SIX5: variants seen among roughly 807,000 people sequenced by gnomAD.
SIX5 encodes the protein homeobox protein SIX5.
A neutral mutation model predicts 37.1 loss-of-function variants in SIX5; 21 were observed. The observed-to-expected ratio is 0.57, with a 90% confidence interval of 0.40 to 0.81. SIX5 has a LOEUF of 0.81. Ranked by LOEUF, SIX5 falls within the 40% of genes least tolerant of loss-of-function variation. The probability of loss-of-function intolerance (pLI) is 0.00; values close to 1 mark genes in which losing one functional copy is unlikely to be tolerated. For missense variants in SIX5, 1,137 were observed against 1,025.1 expected, an observed-to-expected ratio of 1.11 and a Z score of -1.49; for synonymous variants, 626 against 505.9, an observed-to-expected ratio of 1.24 and a Z score of -3.19.
At position 45,765,853 on chromosome 19, in the gene SIX5, G is replaced by A. The variant is rs1969060543; in HGVS notation, c.1868C>T (p.Pro623Leu). ...ALGTLSAQQP[P>L]PAAATTSSTS... Reference sequence around the variant, plus strand: ...GCTGGAGGTGGTGGCAGCGGCGGGGGGTGGCTGCTGTGCAGAAAGGGTGCC... The same window carrying A: ...GCTGGAGGTGGTGGCAGCGGCGGGGAGTGGCTGCTGTGCAGAAAGGGTGCC... The change falls in exon 3 of 3, where the codon CCC (proline) becomes CTC (leucine). Residue 623 changes from proline to leucine, a missense_variant. Transcript: ENST00000317578. The A allele has an allele frequency of 1.9e-6, 3 of 1,599,172 alleles. No individual in the cohort carries two copies. The highest frequency in any genetic ancestry group is 2.5e-6 in the Non-Finnish European group (3 of 1,178,532).
chr19:45,766,540 C>A lies in SIX5; in HGVS notation c.1419G>T (p.Leu473Phe), dbSNP rs779832835. ...AGGTGGGTACTACCTGGGGCAGGTTCAATAGTGGGGAGGTGGGGCTCAGGC... is the reference window on the plus strand; with the variant it reads ...AGGTGGGTACTACCTGGGGCAGGTTAAATAGTGGGGAGGTGGGGCTCAGGC... ...PTGLSPTSPL[L>F]NLPQVVPTSQ... Residue 473 changes from leucine (L) to phenylalanine (F), a missense_variant, in exon 2 of 3, where the codon TTG (leucine) becomes TTT (phenylalanine). By Grantham distance (22) the Leu-to-Phe change is conservative. Coordinates refer to ENST00000317578, the MANE Select transcript of SIX5 (RefSeq NM_175875.5). The A allele has an allele frequency of 8.7e-6, 13 of 1,488,014 alleles. No homozygotes were observed. Among genetic ancestry groups the A allele is most frequent in the Non-Finnish European group, 6.3e-6 (7 of 1,111,546 alleles). 92.2% of individuals were successfully genotyped at this position (1,488,014 alleles called of 1,614,324 possible).
intron 2 of SIX5, 45 bp from the exon 3 acceptor site, chr19:45,766,156 A>C: frequency 6.3e-7 from 1 of 1,589,462 alleles, no homozygotes; most frequent in East Asian, 2.3e-5. Context: ...CCAGGAGAGC[A>C]GGCCAAGCCA....
Position 45,769,074 on chromosome 19 carries a change from T to G in SIX5, c.-230A>C. ...CCGTCTGTCTGTGATTCTCCCTTTG[T>G]TTTCCCTCCGCCTCTGGCCGCGCTT... On this transcript the variant is annotated 5_prime_UTR_variant, in exon 1 of 3. Transcript: ENST00000317578. 1 of 476,016 alleles carries G rather than the reference T, an allele frequency of 2.1e-6. No homozygotes were observed. Among genetic ancestry groups the G allele is most frequent in the South Asian group, 3.2e-5 (1 of 31,672 alleles). 29.5% of individuals were successfully genotyped at this position (476,016 alleles called of 1,614,324 possible).
chr19:45,765,348 C>T lies in SIX5; in HGVS notation c.*153G>A, dbSNP rs916574317. ...GGACAGGAGGTGGCCGGGGATACAA[C>T]CCCCAGCACCACCAGGGCTTGGAGA... is the stretch of plus-strand genomic sequence containing the variant. On this transcript the variant is annotated 3_prime_UTR_variant, in exon 3 of 3. Coordinates refer to ENST00000317578, the MANE Select transcript of SIX5 (RefSeq NM_175875.5). The T allele has an allele frequency of 4.6e-6, 5 of 1,083,340 alleles. No individual in the cohort carries two copies. The highest frequency in any genetic ancestry group is 7.0e-6 in the Non-Finnish European group (5 of 714,956). 67.1% of individuals were successfully genotyped at this position (1,083,340 alleles called of 1,614,324 possible).
Position 45,766,809 on chromosome 19 carries a change from G to C in SIX5, c.1150C>G (p.Leu384Val). The C allele has an allele frequency of 6.4e-7, 1 of 1,563,710 alleles. No individual in the cohort carries two copies. The highest frequency in any genetic ancestry group is 8.6e-7 in the Non-Finnish European group (1 of 1,157,744). Reference protein sequence around the residue: ...PQGASETKTSLVLDPQTGEVR... With the variant: ...PQGASETKTSVVLDPQTGEVR... ...TCCCCTGTCTGAGGGTCCAGGACCAGAGAGGTCTTGGTCTCGCTGGCCCCC... is the reference window on the plus strand; with the variant it reads ...TCCCCTGTCTGAGGGTCCAGGACCACAGAGGTCTTGGTCTCGCTGGCCCCC... Residue 384 changes from leucine to valine, a missense_variant, in exon 2 of 3, where the codon CTG becomes GTG. Physicochemically the swap from Leu to Val is conservative, Grantham distance 32. Transcript: ENST00000317578.
Position 45,768,959 on chromosome 19 carries a change from C to A in SIX5, c.-115G>T. 14 of 1,043,130 alleles carry A rather than the reference C, an allele frequency of 1.3e-5. No homozygotes were observed. Among genetic ancestry groups the A allele is most frequent in the Non-Finnish European group, 1.9e-5 (14 of 733,500 alleles). 64.6% of individuals were successfully genotyped at this position (1,043,130 alleles called of 1,614,324 possible). A position where few individuals can be genotyped will look rare whatever the true frequency, so the allele number is the denominator to read the frequency against. ...CCCACTCCCCGCTCTTCTCGATCTTCTTTCTGGCCGACCCTGCGCCCCACG... is the reference window on the plus strand; with the variant it reads ...CCCACTCCCCGCTCTTCTCGATCTTATTTCTGGCCGACCCTGCGCCCCACG... On this transcript the variant is annotated 5_prime_UTR_variant, in exon 1 of 3. Transcript: ENST00000317578.
rs1600400963 is a variant in SIX5, at chr19:45,768,491, C to T, written c.354G>A (p.Glu118=). ...SRFLGALPPA[E]RLRGSDPVLR... ...ACACCGGGTCGCTGCCACGTAGGCGCTCGGCCGGGGGCAGTGCGCCCAGGA... is the reference window on the plus strand; with the variant it reads ...ACACCGGGTCGCTGCCACGTAGGCGTTCGGCCGGGGGCAGTGCGCCCAGGA... The change falls in exon 1 of 3, where the codon GAG becomes GAA. Residue 118 remains glutamate, a synonymous_variant. Transcript: ENST00000317578. The T allele has an allele frequency of 2.6e-6, 4 of 1,521,568 alleles. No individual in the cohort carries two copies. The highest frequency in any genetic ancestry group is 1.2e-5 in the South Asian group (1 of 82,768). 94.3% of individuals were successfully genotyped at this position (1,521,568 alleles called of 1,614,324 possible).
chr19:45,765,599 C>A lies in SIX5; in HGVS notation c.2122G>T (p.Ala708Ser). The A allele has an allele frequency of 6.2e-7, 1 of 1,613,302 alleles. No homozygotes were observed. ...TCGTCAACCTCACCCCCTGCGGTGG[C>A]CCCCAGGAGCAGCCCCTCAGGGTCG... ...DPDPEGLLLG[A>S]TAGGEVDEGL... Residue 708 changes from alanine to serine, a missense_variant, in exon 3 of 3, where the codon GCC (alanine) becomes TCC (serine). Transcript: ENST00000317578.
At position 45,765,680 on chromosome 19, in the gene SIX5, C is replaced by T; in HGVS notation, c.2041G>A (p.Ala681Thr). The T allele has an allele frequency of 6.2e-7, 1 of 1,612,796 alleles. No individual in the cohort carries two copies. ...LSAGTEGLLEAEKGLGTQAPH... is the reference protein window; with the variant it reads ...LSAGTEGLLETEKGLGTQAPH... Reference sequence around the variant, plus strand: ...GCCTGTGTCCCCAGCCCCTTTTCCGCTTCCAGCAGCCCCTCTGTTCCTGCG... The same window carrying T: ...GCCTGTGTCCCCAGCCCCTTTTCCGTTTCCAGCAGCCCCTCTGTTCCTGCG... Residue 681 changes from alanine (A) to threonine (T), a missense_variant, in exon 3 of 3, where the codon GCG becomes ACG. By Grantham distance (58) the Ala-to-Thr change is moderately conservative. This residue lies in a region of SIX5 where 787 missense variants were observed against 621.4 expected (regional missense o/e 1.27). Coordinates refer to ENST00000317578, the MANE Select transcript of SIX5 (RefSeq NM_175875.5).
In SIX5 at chr19:45,767,059, G is replaced by A; in HGVS notation, c.900C>T (p.Ala300=). The change falls in exon 2 of 3, where the codon GCC becomes GCT. Residue 300 remains alanine (A), a synonymous_variant. Transcript: ENST00000317578. Reference sequence around the variant, plus strand: ...TCCCTGCCAGGAATATGGAGCCCTGGGCAGCGGCCTCGGCGGACACTGGGG... The same window carrying A: ...TCCCTGCCAGGAATATGGAGCCCTGAGCAGCGGCCTCGGCGGACACTGGGG... The part of the protein sequence containing the change: ...GAAPVSAEAA[A]QGSIFLAGTG... The A allele has an allele frequency of 6.2e-7, 1 of 1,609,154 alleles. No individual in the cohort carries two copies. The highest frequency in any genetic ancestry group is 8.5e-7 in the Non-Finnish European group (1 of 1,177,704).
At position 45,768,272 on chromosome 19, in the gene SIX5, C is replaced by T. The variant is rs1366290214; in HGVS notation, c.573G>A (p.Lys191=). The T allele has an allele frequency of 1.2e-6, 2 of 1,612,760 alleles. No individual in the cohort carries two copies. The highest frequency in any genetic ancestry group is 8.5e-7 in the Non-Finnish European group (1 of 1,179,630). The change falls in exon 1 of 3, where the codon AAG becomes AAA. Residue 191 remains lysine, a synonymous_variant. Transcript: ENST00000317578. ...GAVDKYRLRK[K]FPLPKTIWDG... ...CCCAGATGGTCTTGGGCAGCGGGAA[C>T]TTCTTGCGCAGTCGATACTTGTCCA...
At position 45,765,535 on chromosome 19, in the gene SIX5, T is replaced by C. The variant is rs1418901276; in HGVS notation, c.2186A>G (p.Gln729Arg). 2.5e-6 allele frequency: 4 copies of C among 1,613,344 alleles called. No homozygotes were observed. Among genetic ancestry groups the C allele is most frequent in the Non-Finnish European group, 3.4e-6 (4 of 1,180,026 alleles). Reference protein sequence around the residue: ...EAEAKVLTQLQSVPVEEPLEL With the variant: ...EAEAKVLTQLRSVPVEEPLEL ...CAAGGGCTCCTCCACAGGCACCGAC[T>C]GGAGCTGGGTCAGAACCTTGGCCTC... is the stretch of plus-strand genomic sequence containing the variant. Residue 729 changes from glutamine (Q) to arginine (R), a missense_variant, in exon 3 of 3, where the codon CAG becomes CGG. Physicochemically the swap from Gln to Arg is conservative, Grantham distance 43. Transcript: ENST00000317578.
chr19:45,767,032 G>T lies in SIX5; in HGVS notation c.927C>A (p.Thr309=). ...AAGCCGGGCAAGGCGCGGGAGGGCCGGTCCCTGCCAGGAATATGGAGCCCT... is the reference window on the plus strand; with the variant it reads ...AAGCCGGGCAAGGCGCGGGAGGGCCTGTCCCTGCCAGGAATATGGAGCCCT... The part of the protein sequence containing the change: ...AAQGSIFLAG[T]GPPAPCPASS... Residue 309 remains threonine, a synonymous_variant, in exon 2 of 3, where the codon ACC becomes ACA. Transcript: ENST00000317578. 1 of 1,609,352 alleles carries T rather than the reference G, an allele frequency of 6.2e-7. No homozygotes were observed. The highest frequency in any genetic ancestry group is 8.5e-7 in the Non-Finnish European group (1 of 1,178,992).
In SIX5 at chr19:45,766,638, G is replaced by T; in HGVS notation, c.1321C>A (p.Pro441Thr). The T allele has an allele frequency of 6.8e-7, 1 of 1,477,060 alleles. No individual in the cohort carries two copies. The allele number at this position is 1,477,060 out of a possible 1,614,324, so 91.5% of individuals were successfully genotyped here. Residue 441 changes from proline to threonine, a missense_variant, in exon 2 of 3, where the codon CCC becomes ACC. Transcript: ENST00000317578. ...GPPTAATFPL[P>T]PGPVPAVAAP... ...GCCACAGCAGGCACTGGCCCCGGGG[G>T]CAGAGGAAAGGTGGCAGCCGTCGGG...
rs753374376 is a variant in SIX5, at chr19:45,768,135, AGT to A, written c.708_709del (p.Leu237HisfsTer34). The A allele has an allele frequency of 1.9e-6, 3 of 1,610,394 alleles. No individual in the cohort carries two copies. Among genetic ancestry groups the A allele is most frequent in the Non-Finnish European group, 2.5e-6 (3 of 1,179,424 alleles). On this transcript the variant is annotated frameshift_variant, in exon 1 of 3. Transcript: ENST00000317578. LOFTEE classifies it high-confidence loss of function. Reference sequence around the variant, plus strand: ...GACCTGCGTGAGCGACAGGCCGGTGAGTGTGGCCAGGCGGCGCTTCTCGTCCG... The same window carrying A: ...GACCTGCGTGAGCGACAGGCCGGTGAGTGGCCAGGCGGCGCTTCTCGTCCG...
intron 1 of SIX5, 160 bp downstream of exon 1, chr19:45,767,882 C>T: frequency 1.3e-6 from 1 of 744,370 alleles, no homozygotes; most frequent in Non-Finnish European, 2.1e-6. Flanking sequence ...CCCGTCCACA[C>T]TTAGTCCCCG....
rs1018231914 is a variant in SIX5, at chr19:45,766,345, G to A, written c.1609+5C>T. ...CCTAGGCCTGAGGGAGGGAGATGGG[G>A]GTACCTGGGGCAGTGGCCGAAGGCA... On this transcript the variant is annotated splice_donor_5th_base_variant and intron_variant, in intron 2 of 2. Coordinates refer to ENST00000317578, the MANE Select transcript of SIX5 (RefSeq NM_175875.5). 1 of 1,577,012 alleles carries A rather than the reference G, an allele frequency of 6.3e-7. No individual in the cohort carries two copies. Among genetic ancestry groups the A allele is most frequent in the Non-Finnish European group, 8.6e-7 (1 of 1,162,712 alleles).
In SIX5 at chr19:45,766,126, G is replaced by A. The variant is rs762443418; in HGVS notation, c.1610-15C>T. On this transcript the variant is annotated splice_polypyrimidine_tract_variant and intron_variant, in intron 2 of 2. Coordinates refer to ENST00000317578, the MANE Select transcript of SIX5 (RefSeq NM_175875.5). Reference sequence around the variant, plus strand: ...GAGGAAGTTTCCTGTGGGGAGAGAGGGACCGAGCGCAGGTGAGAGCCAGGA... The same window carrying A: ...GAGGAAGTTTCCTGTGGGGAGAGAGAGACCGAGCGCAGGTGAGAGCCAGGA... The A allele has an allele frequency of 9.3e-6, 15 of 1,608,640 alleles. No homozygotes were observed. Among genetic ancestry groups the A allele is most frequent in the South Asian group, 5.5e-5 (5 of 90,212 alleles).
intron 1 of SIX5, chr19:45,767,701 G>A (rs563725163): frequency 4.9e-4 from 192 of 393,784 alleles, no homozygotes; most frequent in Non-Finnish European, 7.0e-4. Context: ...GGGGCTGGGA[G>A]GCAGCCCCTA....
Sources: gnomAD v4.1 joint callset for allele counts on GRCh38, gnomAD v4.1.1 for gene constraint, gnomAD v4.1.1 regional missense constraint, MANE v1.5 for transcripts, NCBI Gene and HGNC (gene_info 2026-07-23, HGNC 2026-07-21) for gene names.